CSMD1: variants seen among roughly 807,000 people sequenced by gnomAD.
The protein encoded by CSMD1 is CUB and sushi domain-containing protein 1.
A neutral mutation model predicts 417.5 loss-of-function variants in CSMD1; 213 were observed. The observed-to-expected ratio is 0.51, with a 90% CI of 0.46 to 0.57. The LOEUF (loss-of-function observed/expected upper bound fraction) is 0.57, where lower values mean the gene tolerates loss of function less well. Among genes scored for constraint, CSMD1 ranks in the 20% least tolerant of loss-of-function variants. CSMD1 has a pLI of 0.00. For missense variants in CSMD1, 6,923 were observed against 4,529.7 expected (o/e 1.53, Z -15.17); for synonymous variants, 2,862 against 1,736.8 (o/e 1.65, Z -16.11).
intron 1 of CSMD1, among the ~76,000 whole-genome samples, chr8:4,665,422 G>C (rs1804858435): frequency 6.6e-6 from 1 of 152,138 alleles, no homozygotes; most frequent in Admixed American, 6.5e-5. Context: ...ACATAACCAT[G>C]AGTAACCCAT....
intron 1 of CSMD1, among the ~76,000 whole-genome samples, chr8:4,808,784 T>C (rs1798728201): frequency 6.6e-6 from 1 of 152,256 alleles, no homozygotes; most frequent in Non-Finnish European, 1.5e-5. Flanking sequence ...GTATCATTTT[T>C]CATATTCCCC....
chr8:3,515,609 C>G (rs1447104422), intron 10 of CSMD1, among the ~76,000 whole-genome samples: 1 of 152,236 alleles, frequency 6.6e-6, no homozygotes, highest in African/African-American at 2.4e-5. Context: ...AAACTTATTA[C>G]TGTGGCACGT....
intron 3 of CSMD1, among the ~76,000 whole-genome samples, chr8:4,211,454 C>G (rs184159053): frequency 6.6e-6 from 1 of 152,306 alleles, no homozygotes; most frequent in Admixed American, 6.5e-5. Context: ...TTACGCATGA[C>G]AAATGAGAAG....
chr8:4,480,495 C>T (rs535055332), intron 2 of CSMD1, among the ~76,000 whole-genome samples: 1 of 152,336 alleles, frequency 6.6e-6, no homozygotes, highest in East Asian at 1.9e-4. Flanking sequence ...TTGTATTAGA[C>T]AACCAGATAC....
chr8:4,466,941 T>G (rs1019419294), intron 2 of CSMD1, among the ~76,000 whole-genome samples: 2 of 151,980 alleles, frequency 1.3e-5, no homozygotes, highest in African/African-American at 4.8e-5. Context: ...TAGAATTTCC[T>G]GTGAACATTT....
chr8:4,560,725 G>C (rs914195628), intron 2 of CSMD1, among the ~76,000 whole-genome samples: 3 of 152,190 alleles, frequency 2.0e-5, no homozygotes, highest in African/African-American at 7.2e-5. Context: ...TGTGGTTTGA[G>C]ACTCTTCGGT....
At chr8:4,312,694 T>G (rs1798697822) in intron 3 of CSMD1, among the ~76,000 whole-genome samples, 1 of 151,852 alleles carries the variant, frequency 6.6e-6, no homozygotes, top group Non-Finnish European at 1.5e-5. Context: ...CTGGCCAACC[T>G]GACGAAACCC....
intron 10 of CSMD1, among the ~76,000 whole-genome samples, chr8:3,506,913 C>T (rs1207808310): frequency 1.3e-5 from 2 of 152,096 alleles, no homozygotes; most frequent in East Asian, 3.8e-4. Context: ...TAAATATTGG[C>T]AACATCACTT....
intron 3 of CSMD1, among the ~76,000 whole-genome samples, chr8:4,129,610 C>G (rs1349349931): frequency 6.6e-6 from 1 of 151,874 alleles, no homozygotes; most frequent in Non-Finnish European, 1.5e-5. Flanking sequence ...TACTGACCTA[C>G]TCTGACTTGT....
intron 42 of CSMD1, among the ~76,000 whole-genome samples, chr8:3,110,657 T>C (rs1193317258): frequency 6.6e-6 from 1 of 152,242 alleles, no homozygotes; most frequent in Non-Finnish European, 1.5e-5. Context: ...CCCATCTGAG[T>C]GTCCAGCACA....
intron 2 of CSMD1, among the ~76,000 whole-genome samples, chr8:4,492,715 C>A (rs1368397418): frequency 6.6e-6 from 1 of 151,994 alleles, no homozygotes; most frequent in Non-Finnish European, 1.5e-5. Context: ...ACATGTAGAC[C>A]CATGGAAACT....
At chr8:4,823,425 T>C (rs533318736) in intron 1 of CSMD1, among the ~76,000 whole-genome samples, 2 of 152,070 alleles carry the variant, frequency 1.3e-5, no homozygotes, top group Non-Finnish European at 2.9e-5. Context: ...TTCAGCTACA[T>C]AACCTTAGTT....
intron 3 of CSMD1, among the ~76,000 whole-genome samples, chr8:4,291,957 T>C (rs554890798): frequency 6.6e-6 from 1 of 152,274 alleles, no homozygotes; most frequent in South Asian, 2.1e-4. Context: ...GAGCCTGGTG[T>C]CCAGAAGGAA....
chr8:4,290,512 A>T (rs118133314), intron 3 of CSMD1, among the ~76,000 whole-genome samples: 1,778 of 152,262 alleles, frequency 0.012, 121 homozygotes, highest in Admixed American at 0.098. Flanking sequence ...AAAAGGACAG[A>T]TGATGTTTCT....
At chr8:3,955,490 T>C (rs1811880893) in intron 5 of CSMD1, among the ~76,000 whole-genome samples, 4 of 152,180 alleles carry the variant, frequency 2.6e-5, no homozygotes, top group African/African-American at 9.7e-5. Context: ...TGTCATTCTC[T>C]CTACTCATGT....
At chr8:3,966,767 A>G (rs1364963928) in intron 5 of CSMD1, among the ~76,000 whole-genome samples, 5 of 150,870 alleles carry the variant, frequency 3.3e-5, no homozygotes, top group Admixed American at 1.3e-4. Flanking sequence ...GCGCGCGCGC[A>G]CACACACTGA....
At chr8:3,914,879 T>C (rs900678950) in intron 5 of CSMD1, among the ~76,000 whole-genome samples, 1 of 152,200 alleles carries the variant, frequency 6.6e-6, no homozygotes, top group Admixed American at 6.5e-5. Context: ...TTTTCAGTTT[T>C]ATGCTGCTGA....
At chr8:3,949,254 T>C (rs886808525) in intron 5 of CSMD1, among the ~76,000 whole-genome samples, 12 of 152,174 alleles carry the variant, frequency 7.9e-5, no homozygotes, top group Non-Finnish European at 5.9e-5. Flanking sequence ...TACAATATAA[T>C]GTTATCAACT....
chr8:3,941,296 A>C (rs1202113245), intron 5 of CSMD1, among the ~76,000 whole-genome samples: 2 of 152,204 alleles, frequency 1.3e-5, no homozygotes, highest in East Asian at 3.8e-4. Flanking sequence ...ATATTATTTT[A>C]ACCAGATTCT....
Sources: gnomAD v4.1 joint callset for allele counts (sites outside exome capture counted in the v4.1 genomes callset) on GRCh38, gnomAD v4.1.1 for gene constraint, MANE v1.5 for transcripts, NCBI Gene and HGNC (gene_info 2026-07-23, HGNC 2026-07-21) for gene names.